Variants in SYNJ2 observed in about 807,000 individuals in gnomAD.
SYNJ2 encodes the protein synaptojanin 2.
A neutral mutation model predicts 141.3 loss-of-function variants in SYNJ2; 116 were observed. That is an observed-to-expected ratio of 0.82 (90% CI 0.71 to 0.96). The LOEUF (loss-of-function observed/expected upper bound fraction) is 0.96, where lower values mean the gene tolerates loss of function less well. SYNJ2 is among the 40% of genes least tolerant of loss of function. The pLI is 0.00. For missense variants in SYNJ2, 1,873 were observed against 1,934.8 expected, an observed-to-expected ratio of 0.97 and a Z score of 0.60; for synonymous variants, 745 against 777.7, an observed-to-expected ratio of 0.96 and a Z score of 0.70.
chr6:158,052,223 A>G (rs1780608904), intron 5 of SYNJ2, among the ~76,000 whole-genome samples: 1 of 152,234 alleles, frequency 6.6e-6, no homozygotes, highest in Non-Finnish European at 1.5e-5. Flanking sequence ...ATTTTTAACT[A>G]CTTATTCTTG....
intron 11 of SYNJ2, 90 bp downstream of exon 11, chr6:158,065,081 G>T (rs1038536129): frequency 7.1e-7 from 1 of 1,410,080 alleles, no homozygotes; most frequent in Non-Finnish European, 9.3e-7. Flanking sequence ...CAGAGAGCGG[G>T]TGGCAGAGGT....
chr6:157,990,643 C>T (rs1190593283), intron 1 of SYNJ2, among the ~76,000 whole-genome samples: 4 of 152,192 alleles, frequency 2.6e-5, no homozygotes, highest in African/African-American at 7.2e-5. Context: ...GCTCCAGGCT[C>T]CCGGCAAGAT....
intron 2 of SYNJ2, chr6:158,017,751 C>T (rs780349641): frequency 7.5e-6 from 4 of 532,190 alleles, no homozygotes; most frequent in South Asian, 2.8e-5. Flanking sequence ...CTTTATGCCT[C>T]GGGACCTGCT....
intron 22 of SYNJ2, among the ~76,000 whole-genome samples, chr6:158,085,656 C>T (rs907439350): frequency 3.7e-4 from 57 of 152,208 alleles, no homozygotes; most frequent in African/African-American, 1.1e-3. Flanking sequence ...CAATAACTTG[C>T]CTATACCGAA....
At chr6:158,063,949 C>A in intron 9 of SYNJ2, 77 bp downstream of exon 9, 2 of 1,486,034 alleles carry the variant, frequency 1.3e-6, no homozygotes, top group Non-Finnish European at 9.3e-7. Flanking sequence ...GGCTGAGCAC[C>A]TTTAGCGGCA....
At chr6:158,039,234 A>G (rs752066768) in intron 4 of SYNJ2, among the ~76,000 whole-genome samples, 2 of 152,278 alleles carry the variant, frequency 1.3e-5, no homozygotes, top group Non-Finnish European at 2.9e-5. Flanking sequence ...TTTTTAAAAC[A>G]CAAAACACGT....
chr6:158,075,027 G>A (rs1189747891), intron 16 of SYNJ2, among the ~76,000 whole-genome samples: 3 of 151,108 alleles, frequency 2.0e-5, no homozygotes, highest in African/African-American at 7.3e-5. Context: ...ACCTTCCTGG[G>A]TTCAAGCAAT....
In SYNJ2 at chr6:158,071,709, G is replaced by A. The variant is rs144950375; in HGVS notation, c.2048G>A (p.Cys683Tyr). The A allele has an allele frequency of 8.1e-6, 13 of 1,614,018 alleles. No homozygotes were observed. The Admixed American group carries it at 1.0e-4, about 12-fold the overall frequency. Residue 683 changes from cysteine to tyrosine, a missense_variant, in exon 15 of 27, where the codon TGT becomes TAT. By Grantham distance (194) the Cys-to-Tyr change is radical (BLOSUM62 -2). Coordinates refer to ENST00000355585, the MANE Select transcript of SYNJ2 (RefSeq NM_003898.4). This position sits in a 1 kb window ranked among gnomAD's most constrained non-coding sequence, Gnocchi z 4.3. ...CACAGCACCAGCTTCTGCTTCATATGTAGTCACCTGACGGCCGGGCAGTCC... is the reference window on the plus strand; with the variant it reads ...CACAGCACCAGCTTCTGCTTCATATATAGTCACCTGACGGCCGGGCAGTCC... ...QFHSTSFCFI[C>Y]SHLTAGQSQV...
intron 1 of SYNJ2, among the ~76,000 whole-genome samples, chr6:158,014,716 G>A (rs12527105): frequency 0.017 from 2,640 of 152,334 alleles, 26 homozygotes; most frequent in Middle Eastern, 0.051. Context: ...CATCTGATTG[G>A]TGGGTGGTAG....
At chr6:157,987,607 G>A (rs182031531) in intron 1 of SYNJ2, among the ~76,000 whole-genome samples, 255 of 152,086 alleles carry the variant, frequency 1.7e-3, no homozygotes, top group African/African-American at 6.0e-3. Flanking sequence ...TCGCCGTGTT[G>A]GCCAAGCTGG....
intron 2 of SYNJ2, among the ~76,000 whole-genome samples, chr6:158,023,371 T>C (rs967236525): frequency 2.0e-5 from 3 of 151,436 alleles, no homozygotes; most frequent in African/African-American, 7.3e-5. Context: ...GAGGCTGGGA[T>C]TGAAGGAGGA....
chr6:158,095,649 A>C lies in SYNJ2; in HGVS notation c.3776A>C (p.Gln1259Pro), dbSNP rs1783750119. The change falls in exon 27 of 27, where the codon CAG (glutamine) becomes CCG (proline). Residue 1259 changes from glutamine to proline, a missense_variant. Gln to Pro is a moderately conservative substitution (Grantham distance 76). Coordinates refer to ENST00000355585, the MANE Select transcript of SYNJ2 (RefSeq NM_003898.4). The stretch of plus-strand genomic sequence containing the variant: ...TCACCGGAAGAACAGTTTGAGCAAC[A>C]GACTGTCCATTTTACAATCGGGCCC... ...PLSPEEQFEQ[Q>P]TVHFTIGPPE... 6.2e-7 allele frequency: 1 copy of C among 1,611,140 alleles called. No homozygotes were observed. The highest frequency in any genetic ancestry group is 1.3e-5 in the African/African-American group (1 of 74,754).
At position 158,095,680 on chromosome 6, in the gene SYNJ2, G is replaced by C; in HGVS notation, c.3807G>C (p.Glu1269Asp). The part of the protein sequence containing the change: ...QTVHFTIGPP[E>D]TSVEAPPVVT... ...TCCATTTTACAATCGGGCCCCCGGA[G>C]ACAAGCGTTGAGGCCCCTCCTGTCG... Residue 1269 changes from glutamate (E) to aspartate (D), a missense_variant, in exon 27 of 27, where the codon GAG (glutamate) becomes GAC (aspartate). Physicochemically the swap from Glu to Asp is conservative, Grantham distance 45. Transcript: ENST00000355585. 1 of 1,613,878 alleles carries C rather than the reference G, an allele frequency of 6.2e-7. No homozygotes were observed. The highest frequency in any genetic ancestry group is 8.5e-7 in the Non-Finnish European group (1 of 1,179,932).
rs144550542 is a variant in SYNJ2, at chr6:158,033,620, C to G, written c.651C>G (p.Arg217=). ...SRVSCERTGT[R]FHTRGVNDDG... ...TTAGCTGTGAGCGCACAGGCACTCG[C>G]TTCCACACCCGTGGCGTGAACGACG... Residue 217 remains arginine, a synonymous_variant, in exon 4 of 27, where the codon CGC becomes CGG. Transcript: ENST00000355585. The G allele has an allele frequency of 6.2e-7, 1 of 1,613,610 alleles. No individual in the cohort carries two copies. The highest frequency in any genetic ancestry group is 1.3e-5 in the African/African-American group (1 of 75,082).
Position 158,069,576 on chromosome 6 carries a change from A to G in SYNJ2, c.1843A>G (p.Ile615Val). 6.2e-7 allele frequency: 1 copy of G among 1,614,026 alleles called. No individual in the cohort carries two copies. Among genetic ancestry groups the G allele is most frequent in the Non-Finnish European group, 8.5e-7 (1 of 1,179,924 alleles). ...KMWGEQLQKA[I>V]SRSHRYILLT... is the part of the protein sequence containing the mutation. Reference sequence around the variant, plus strand: ...GTGGGGTGAACAGCTTCAGAAAGCCATCTCACGCTCTCATAGATACATTCT... The same window carrying G: ...GTGGGGTGAACAGCTTCAGAAAGCCGTCTCACGCTCTCATAGATACATTCT... The change falls in exon 14 of 27, where the codon ATC becomes GTC. Residue 615 changes from isoleucine (I) to valine (V), a missense_variant. Transcript: ENST00000355585.
intron 8 of SYNJ2, 100 bp from the exon 9 acceptor site, chr6:158,063,687 ACCAT>A: frequency 1.6e-6 from 1 of 617,506 alleles, no homozygotes; most frequent in African/African-American, 2.0e-5. Context: ...AAAAAAAAAA[ACCAT>A]GTTTCCTTGG....
At chr6:158,024,082 A>G (rs1442743681) in intron 2 of SYNJ2, among the ~76,000 whole-genome samples, 4 of 152,222 alleles carry the variant, frequency 2.6e-5, no homozygotes, top group African/African-American at 9.6e-5. Flanking sequence ...ATATTTATTC[A>G]TCTCATTAAG....
chr6:158,053,712 CCCATCCAG>C (rs1273098731), intron 5 of SYNJ2, among the ~76,000 whole-genome samples: 33 of 151,306 alleles, frequency 2.2e-4, no homozygotes, highest in East Asian at 9.8e-4. Context: ...CAGTCATCCA[CCCATCCAG>C]CCATCCAGCC....
chr6:158,093,246 C>A, intron 26 of SYNJ2, 142 bp downstream of exon 26: 2 of 896,664 alleles, frequency 2.2e-6, no homozygotes, highest in East Asian at 2.9e-5. Context: ...CCAGCCTGAC[C>A]AACATGGTGT....
Sources: gnomAD v4.1 joint callset for allele counts (sites outside exome capture counted in the v4.1 genomes callset) on GRCh38, gnomAD v4.1.1 for gene constraint, Gnocchi (gnomAD v3.1) non-coding constraint, MANE v1.5 for transcripts, NCBI Gene and HGNC (gene_info 2026-07-23, HGNC 2026-07-21) for gene names.